Variants in CEP290 observed in about 807,000 individuals in gnomAD.
CEP290 encodes centrosomal protein of 290 kDa.
CEP290 carries 317 observed loss-of-function variants against 344.9 expected under a neutral mutation model. The ratio of observed to expected loss-of-function variants is 0.92; its 90% CI spans 0.84 to 1.01. The LOEUF is 1.01. Among genes scored for constraint, CEP290 ranks in the 50% least tolerant of loss-of-function variants. The pLI, the probability that CEP290 is intolerant of heterozygous loss-of-function variation, is 0.00. For synonymous variants in CEP290, 932 were observed against 895.8 expected, an observed-to-expected ratio of 1.04 and a Z score of -0.72; for missense variants, 2,754 against 2,761.4, an observed-to-expected ratio of 1.00 and a Z score of 0.06.
intron 50 of CEP290, 74 bp from the exon 51 acceptor site, chr12:88,054,487 T>C: frequency 1.8e-6 from 2 of 1,118,336 alleles, no homozygotes; most frequent in Non-Finnish European, 1.3e-6. Flanking sequence ...TACACATTTT[T>C]AACAAAGCGT....
chr12:88,087,200 A>C (rs745910634), intron 32 of CEP290, among the ~76,000 whole-genome samples: 5 of 152,254 alleles, frequency 3.3e-5, no homozygotes, highest in Non-Finnish European at 7.3e-5. Flanking sequence ...AGTGAGAGCC[A>C]GTAGAAACGT....
chr12:88,120,023 A>T, intron 15 of CEP290, 91 bp downstream of exon 15: 1 of 757,754 alleles, frequency 1.3e-6, no homozygotes, highest in Non-Finnish European at 2.0e-6. Flanking sequence ...GCATTAAACT[A>T]CTTAATAAAT....
At chr12:88,055,298 C>T (rs2033904745) in intron 50 of CEP290, among the ~76,000 whole-genome samples, 1 of 152,014 alleles carries the variant, frequency 6.6e-6, no homozygotes, top group Admixed American at 6.6e-5. Flanking sequence ...TTGGACAAGA[C>T]TGGTAGTGAT....
chr12:88,095,375 G>C (rs1263293884), intron 27 of CEP290, among the ~76,000 whole-genome samples: 5 of 152,004 alleles, frequency 3.3e-5, no homozygotes, highest in African/African-American at 7.2e-5. Context: ...ACAGGGAATA[G>C]GGAAACACTC....
intron 43 of CEP290, 65 bp downstream of exon 43, chr12:88,071,229 T>C (rs1165549646): frequency 1.5e-6 from 2 of 1,296,422 alleles, no homozygotes; most frequent in African/African-American, 3.0e-5. Flanking sequence ...ATTTATTATT[T>C]CAATTTCTAG....
At chr12:88,130,514 T>C in intron 8 of CEP290, 31 bp downstream of exon 8, 1 of 1,594,060 alleles carries the variant, frequency 6.3e-7, no homozygotes, top group Non-Finnish European at 8.5e-7. Context: ...TATTTTAAAT[T>C]CCCAAGATTT....
At chr12:88,080,460 C>CAAAA in intron 37 of CEP290, 65 bp from the exon 38 acceptor site, 3 of 1,183,350 alleles carry the variant, frequency 2.5e-6, no homozygotes, top group South Asian at 1.5e-5. Flanking sequence ...GACCCAGTCT[C>CAAAA]ACTCTGTCAC....
rs116707638 is a variant in CEP290, at chr12:88,125,155, A to G, written c.1189+91T>C. 4,307 of 428,062 alleles carry G rather than the reference A, an allele frequency of 0.01. 146 individuals are homozygous for G. The highest frequency in any genetic ancestry group is 0.08 in the African/African-American group (3,878 of 48,368). The allele number at this position is 428,062 out of a possible 1,614,324, so 26.5% of individuals were successfully genotyped here. A position where few individuals can be genotyped will look rare whatever the true frequency, so the allele number is the denominator to read the frequency against. On this transcript the variant is annotated intron_variant, in intron 13 of 53. Coordinates refer to ENST00000552810, the MANE Select transcript of CEP290 (RefSeq NM_025114.4). ...AAAATATAAAATTCAAATGGAGAAAACTCAATATTGACTTGACATTTTATT... is the reference window on the plus strand; with the variant it reads ...AAAATATAAAATTCAAATGGAGAAAGCTCAATATTGACTTGACATTTTATT...
chr12:88,111,798 C>G lies in CEP290; in HGVS notation c.2113G>C (p.Val705Leu), dbSNP rs769216455. 4 of 1,606,716 alleles carry G rather than the reference C, an allele frequency of 2.5e-6. No homozygotes were observed. The highest frequency in any genetic ancestry group is 3.4e-6 in the Non-Finnish European group (4 of 1,176,892). ...FDASLHLKAQ[V>L]DQLTGRNEEL... ...TCATTTCTTCCGGTAAGCTGATCAA[C>G]TTGGGCTTTCAAATGCAGACTCGCA... The change falls in exon 21 of 54, where the codon GTT (valine) becomes CTT (leucine). Residue 705 changes from valine (V) to leucine (L), a missense_variant. Physicochemically the swap from Val to Leu is conservative, Grantham distance 32. Transcript: ENST00000552810.
At chr12:88,065,661 T>A (rs953929780) in intron 44 of CEP290, among the ~76,000 whole-genome samples, 1 of 152,134 alleles carries the variant, frequency 6.6e-6, no homozygotes, top group African/African-American at 2.4e-5. Flanking sequence ...TAAACACCTA[T>A]TAATATCACT....
chr12:88,131,302 C>A (rs1222773681), intron 6 of CEP290, 84 bp from the exon 7 acceptor site: 4 of 1,043,634 alleles, frequency 3.8e-6, no homozygotes, highest in Admixed American at 3.4e-5. Context: ...AAGTCTTTGT[C>A]GCCTAGGCTG....
intron 52 of CEP290, among the ~76,000 whole-genome samples, chr12:88,051,126 A>C (rs190364271): frequency 6.6e-6 from 1 of 152,208 alleles, no homozygotes; most frequent in East Asian, 1.9e-4. Flanking sequence ...AGCCATTGAA[A>C]AATAATAAAA....
Position 88,053,640 on chromosome 12 carries a change from A to G in CEP290, c.7129+12T>C, listed in dbSNP as rs779928520. On this transcript the variant is annotated intron_variant, in intron 52 of 53. Transcript: ENST00000552810. ...CTTGGGGGTAGCTAACATGTTTTTT[A>G]AAATACATTACCAGGTATGGTGCTT... The G allele has an allele frequency of 7.1e-7, 1 of 1,409,778 alleles. No homozygotes were observed. Among genetic ancestry groups the G allele is most frequent in the South Asian group, 1.3e-5 (1 of 75,820 alleles). 87.3% of individuals were successfully genotyped at this position (1,409,778 alleles called of 1,614,324 possible). A position where few individuals can be genotyped will look rare whatever the true frequency, so the allele number is the denominator to read the frequency against.
intron 40 of CEP290, 128 bp downstream of exon 40, chr12:88,077,564 GAAATT>G: frequency 1.4e-6 from 1 of 697,152 alleles, no homozygotes; most frequent in Non-Finnish European, 2.3e-6. Context: ...AGTCACAAAA[GAAATT>G]AATTACATTA....
At position 88,114,515 on chromosome 12, in the gene CEP290, C is replaced by G. The variant is rs2038920356; in HGVS notation, c.1957G>C (p.Glu653Gln). ...ATTTCCTTAATTGCTTGCAATATTT[C>G]TTTCATACCTTCTTCAAGTTGCTTA... ...ENKQLEEGMK[E>Q]ILQAIKEMQK... The change falls in exon 20 of 54, where the codon GAA becomes CAA. Residue 653 changes from glutamate (E) to glutamine (Q), a missense_variant. Glu to Gln is a conservative substitution (Grantham distance 29). Transcript: ENST00000552810. The G allele has an allele frequency of 6.5e-7, 1 of 1,541,696 alleles. No individual in the cohort carries two copies. Among genetic ancestry groups the G allele is most frequent in the Non-Finnish European group, 8.7e-7 (1 of 1,143,064 alleles).
At chr12:88,085,297 T>C (rs779065275) in intron 34 of CEP290, among the ~76,000 whole-genome samples, 2 of 152,036 alleles carry the variant, frequency 1.3e-5, no homozygotes, top group Non-Finnish European at 2.9e-5. Context: ...GAATATAAAA[T>C]CCGCAGCTTA....
intron 52 of CEP290, among the ~76,000 whole-genome samples, chr12:88,053,242 G>A (rs374617478): frequency 3.3e-5 from 5 of 152,088 alleles, no homozygotes; most frequent in African/African-American, 1.2e-4. Flanking sequence ...GAAGGGAGCA[G>A]AAAGATTTTC....
intron 18 of CEP290, chr12:88,115,611 A>G (rs1250199190): frequency 2.4e-5 from 28 of 1,183,582 alleles, no homozygotes; most frequent in Non-Finnish European, 3.1e-5. Context: ...CAATGAGTTC[A>G]TATCAATGTA....
At position 88,121,136 on chromosome 12, in the gene CEP290, A is replaced by G. The variant is rs936616163; in HGVS notation, c.1220T>C (p.Met407Thr). ...AATGTCTAACGTTGACTGAATTTTC[A>G]TATGAGTCTGTTGAGAAAGGGTTGA... is the stretch of plus-strand genomic sequence containing the variant. ...GASTLSQQTH[M>T]KIQSTLDILK... The change falls in exon 14 of 54, where the codon ATG (methionine) becomes ACG (threonine). Residue 407 changes from methionine to threonine, a missense_variant. By Grantham distance (81) the Met-to-Thr change is moderately conservative. Transcript: ENST00000552810. 3.7e-6 allele frequency: 6 copies of G among 1,613,244 alleles called. No individual in the cohort carries two copies. Among genetic ancestry groups the G allele is most frequent in the Non-Finnish European group, 5.1e-6 (6 of 1,179,552 alleles).
Sources: gnomAD v4.1 joint callset for allele counts (sites outside exome capture counted in the v4.1 genomes callset) on GRCh38, gnomAD v4.1.1 for gene constraint, MANE v1.5 for transcripts, NCBI Gene and HGNC (gene_info 2026-07-23, HGNC 2026-07-21) for gene names.